KIAA0408: variants seen among roughly 807,000 people sequenced by gnomAD.
The protein encoded by KIAA0408 is KIAA0408, also known as uncharacterized protein KIAA0408.
A neutral mutation model predicts 60.9 loss-of-function variants in KIAA0408; 51 were observed. That is an observed-to-expected ratio of 0.84 (90% CI 0.67 to 1.06). KIAA0408 has a LOEUF of 1.06. Ranked by LOEUF, KIAA0408 falls within the 50% of genes least tolerant of loss-of-function variation. KIAA0408 has a pLI of 0.00. For missense variants in KIAA0408, 787 were observed against 833.9 expected (o/e 0.94, Z 0.69); for synonymous variants, 304 against 282.4 (o/e 1.08, Z -0.77).
chr6:127,455,528 T>G (rs928777890), intron 1 of KIAA0408, among the ~76,000 whole-genome samples: 1 of 152,156 alleles, frequency 6.6e-6, no homozygotes. Context: ...ATCAATGAAT[T>G]AGAATAGAAT....
chr6:127,449,924 C>G, intron 3 of KIAA0408, 23 bp from the exon 4 acceptor site: 1 of 1,613,934 alleles, frequency 6.2e-7, no homozygotes, highest in African/African-American at 1.3e-5. Flanking sequence ...AAGCAACAGC[C>G]CGTTAGCACT....
Position 127,447,686 on chromosome 6 carries a change from A to G in KIAA0408, c.633T>C (p.His211=). 6.3e-7 allele frequency: 1 copy of G among 1,587,796 alleles called. No individual in the cohort carries two copies. The highest frequency in any genetic ancestry group is 8.5e-7 in the Non-Finnish European group (1 of 1,171,868). Residue 211 remains histidine, a synonymous_variant, in exon 5 of 6, where the codon CAT becomes CAC. Coordinates refer to ENST00000483725, the MANE Select transcript of KIAA0408 (RefSeq NM_014702.5). ...QEMPNVTNIP[H]GDPMINNDQC... is the part of the protein sequence containing the mutation. ...GGTCATTGTTGATCATGGGGTCCCC[A>G]TGAGGTATATTAGTTACATTTGGCA...
chr6:127,453,946 A>G lies in KIAA0408; in HGVS notation c.36T>C (p.Thr12=), dbSNP rs1425057677. 1.2e-6 allele frequency: 2 copies of G among 1,612,940 alleles called. No individual in the cohort carries two copies. Among genetic ancestry groups the G allele is most frequent in the Non-Finnish European group, 1.7e-6 (2 of 1,179,208 alleles). ...ATTCCATCTTTTCCTTATGCCAGTT[A>G]GTCTCTGTGTTCTCCCACTGCTTAT... ...DLHKQWENTE[T]NWHKEKMELL... is the part of the protein sequence containing the mutation. The change falls in exon 2 of 6, where the codon ACT becomes ACC. Residue 12 remains threonine (T), a synonymous_variant. Coordinates refer to ENST00000483725, the MANE Select transcript of KIAA0408 (RefSeq NM_014702.5).
At chr6:127,456,471 C>T (rs912297496) in intron 1 of KIAA0408, among the ~76,000 whole-genome samples, 11 of 152,208 alleles carry the variant, frequency 7.2e-5, no homozygotes, top group Admixed American at 2.0e-4. Context: ...AAGACTATAT[C>T]TAAACCCAGG....
chr6:127,444,414 A>C, intron 5 of KIAA0408, 132 bp from the exon 6 acceptor site: 1 of 666,550 alleles, frequency 1.5e-6, no homozygotes. Flanking sequence ...AAACTAAAGA[A>C]GGTAGTTGTC....
chr6:127,447,026 C>T lies in KIAA0408; in HGVS notation c.1293G>A (p.Arg431=), dbSNP rs371074447. 84 of 1,613,224 alleles carry T rather than the reference C, an allele frequency of 5.2e-5. No individual in the cohort carries two copies. Among genetic ancestry groups the T allele is most frequent in the Non-Finnish European group, 6.7e-5 (79 of 1,179,744 alleles). ...CTGCCAGCTTCTCATTCCTTGTAGT[C>T]CTTTCAAAGCCACAACTGAAATTTC... ...PLRNFSCGFE[R]TTRNEKLAAK... Residue 431 remains arginine, a synonymous_variant, in exon 5 of 6, where the codon AGG becomes AGA. Coordinates refer to ENST00000483725, the MANE Select transcript of KIAA0408 (RefSeq NM_014702.5).
chr6:127,456,676 A>AT (rs1469426746), intron 1 of KIAA0408, among the ~76,000 whole-genome samples: 2 of 152,236 alleles, frequency 1.3e-5, no homozygotes, highest in African/African-American at 2.4e-5. Flanking sequence ...ATCTGTGCCA[A>AT]TTTTTTGTGG....
Position 127,440,418 on chromosome 6 carries a change from G to C in KIAA0408, c.*3691C>G, listed in dbSNP as rs942003392. The stretch of plus-strand genomic sequence containing the variant: ...CTGCTCACTGCAAGCTCTGCCTCCC[G>C]GGTTCATGCCATTCTCCTGCCTCAG... On this transcript the variant is annotated 3_prime_UTR_variant, in exon 6 of 6. Transcript: ENST00000483725. 1 of 146,906 alleles carries C rather than the reference G, an allele frequency of 6.8e-6. No individual in the cohort carries two copies. Among genetic ancestry groups the C allele is most frequent in the African/African-American group, 2.5e-5 (1 of 39,438 alleles). The allele number at this position is 146,906 out of a possible 1,614,324, so 9.1% of individuals were successfully genotyped here.
intron 2 of KIAA0408, among the ~76,000 whole-genome samples, chr6:127,451,993 T>C (rs1161933139): frequency 6.6e-6 from 1 of 152,170 alleles, no homozygotes; most frequent in Non-Finnish European, 1.5e-5. Context: ...ATAAGTTCTA[T>C]CCAGAATTTC....
chr6:127,452,587 T>C (rs1773319870), intron 2 of KIAA0408, among the ~76,000 whole-genome samples: 1 of 152,184 alleles, frequency 6.6e-6, no homozygotes, highest in African/African-American at 2.4e-5. Context: ...TTCTTTTAAC[T>C]ACATGGCTTT....
At chr6:127,447,873 A>G (rs1773232431) in intron 4 of KIAA0408, 133 bp from the exon 5 acceptor site, 1 of 1,186,074 alleles carries the variant, frequency 8.4e-7, no homozygotes, top group Non-Finnish European at 1.1e-6. Context: ...TCATTTTTAC[A>G]TAAATCTCCC....
intron 2 of KIAA0408, 123 bp downstream of exon 2, chr6:127,453,724 C>T (rs1262991271): frequency 2.3e-6 from 3 of 1,285,664 alleles, no homozygotes; most frequent in South Asian, 1.8e-5. Flanking sequence ...GTAAATGTCA[C>T]TGAGAAATGT....
rs970899872 is a variant in KIAA0408 at position 127,447,070 on chromosome 6, C to T, written c.1249G>A (p.Glu417Lys). ...VSNDCSSSVAESSSPLRNFSC... is the reference protein window; with the variant it reads ...VSNDCSSSVAKSSSPLRNFSC... The stretch of plus-strand genomic sequence containing the variant: ...AAATTTCTAAGTGGGCTACTGCTCT[C>T]TGCTACTGAGGAGCTACAGTCATTA... The change falls in exon 5 of 6, where the codon GAG becomes AAG. Residue 417 changes from glutamate (E) to lysine (K), a missense_variant. Transcript: ENST00000483725. 1 of 1,613,704 alleles carries T rather than the reference C, an allele frequency of 6.2e-7. No individual in the cohort carries two copies. The highest frequency in any genetic ancestry group is 1.3e-5 in the African/African-American group (1 of 74,918).
chr6:127,446,839 T>C lies in KIAA0408; in HGVS notation c.1480A>G (p.Ile494Val), dbSNP rs1310794421. ...SISQSNDVSG[I>V]WKTNAHMPVP... ...GGCATGTGGGCATTGGTTTTCCAAA[T>C]ACCGGACACATCGTTACTTTGTGAT... The change falls in exon 5 of 6, where the codon ATT becomes GTT. Residue 494 changes from isoleucine to valine, a missense_variant. By Grantham distance (29) the Ile-to-Val change is conservative (BLOSUM62 3). Transcript: ENST00000483725. 5.0e-6 allele frequency: 8 copies of C among 1,614,022 alleles called. No individual in the cohort carries two copies. In the Admixed American group the frequency reaches 1.2e-4, roughly 24 times the overall value.
chr6:127,445,751 T>C (rs991712843), intron 5 of KIAA0408, among the ~76,000 whole-genome samples: 1 of 152,138 alleles, frequency 6.6e-6, no homozygotes, highest in African/African-American at 2.4e-5. Flanking sequence ...CTTTCATAAA[T>C]AGACAGGAAC....
chr6:127,448,697 T>C (rs1773246667), intron 4 of KIAA0408, among the ~76,000 whole-genome samples: 1 of 152,044 alleles, frequency 6.6e-6, no homozygotes, highest in South Asian at 2.1e-4. Context: ...TAACAGAGAA[T>C]AGAAAAGCTA....
rs1002722834 is a variant in KIAA0408 at position 127,442,568 on chromosome 6, A to T, written c.*1541T>A. The T allele has an allele frequency of 1.3e-5, 2 of 152,230 alleles. No individual in the cohort carries two copies. The highest frequency in any genetic ancestry group is 2.9e-5 in the Non-Finnish European group (2 of 68,038). The allele number at this position is 152,230 out of a possible 1,614,324, so 9.4% of individuals were successfully genotyped here. A position where few individuals can be genotyped will look rare whatever the true frequency, so the allele number is the denominator to read the frequency against. ...CCACTTAACTACCGAAACTGTCCTT[A>T]CAGTAAAGTATGAATCTAGACATCA... On this transcript the variant is annotated 3_prime_UTR_variant, in exon 6 of 6. Transcript: ENST00000483725.
At position 127,447,585 on chromosome 6, in the gene KIAA0408, T is replaced by C. The variant is rs756293107; in HGVS notation, c.734A>G (p.Gln245Arg). The C allele has an allele frequency of 6.2e-7, 1 of 1,612,656 alleles. No homozygotes were observed. Among genetic ancestry groups the C allele is most frequent in the South Asian group, 1.1e-5 (1 of 90,694 alleles). The change falls in exon 5 of 6, where the codon CAG (glutamine) becomes CGG (arginine). Residue 245 changes from glutamine to arginine, a missense_variant. Gln to Arg is a conservative substitution (Grantham distance 43). Coordinates refer to ENST00000483725, the MANE Select transcript of KIAA0408 (RefSeq NM_014702.5). The part of the protein sequence containing the change: ...RKNLSCTNVL[Q>R]SNSTKKCGID... ...TCCACATTTTTTCGTAGAATTGCTC[T>C]GGAGCACATTGGTACAGCTCAGATT...
chr6:127,455,975 CCTAGTAATCTTT>C (rs1238173389), intron 1 of KIAA0408, among the ~76,000 whole-genome samples: 1 of 152,118 alleles, frequency 6.6e-6, no homozygotes. Flanking sequence ...ATCTTGAATA[CCTAGTAATCTTT>C]TAGGTTCGTC....
Sources: gnomAD v4.1 joint callset for allele counts (sites outside exome capture counted in the v4.1 genomes callset) on GRCh38, gnomAD v4.1.1 for gene constraint, MANE v1.5 for transcripts, NCBI Gene and HGNC (gene_info 2026-07-23, HGNC 2026-07-21) for gene names.